The following ZNF469 variants were observed in gnomAD, a reference collection of about 807,000 sequenced individuals.
ZNF469 encodes the protein zinc finger protein 469.
A neutral mutation model predicts 1.0 loss-of-function variants in ZNF469; 1 was observed. That is an observed-to-expected ratio of 1.00 (90% CI 0.35 to 4.73). The LOEUF (loss-of-function observed/expected upper bound fraction) is 4.73, where lower values mean the gene tolerates loss of function less well. ZNF469 is among the 30% of genes most tolerant of loss of function. The pLI is 0.16. For synonymous variants in ZNF469, 2,703 were observed against 2,363.4 expected (o/e 1.14, Z -4.17); for missense variants, 6,100 against 5,356.3 (o/e 1.14, Z -4.33).
At chr16:88,368,510 T>C in the ZNF469 span, among the ~76,000 whole-genome samples, 1 of 152,172 alleles carries the variant, frequency 6.6e-6, no homozygotes, top group African/African-American at 2.4e-5. Context: ...GAGCAGCCTC[T>C]GGGGAGAGTG....
chr16:88,129,484 T>C, the ZNF469 span, among the ~76,000 whole-genome samples: 1 of 152,230 alleles, frequency 6.6e-6, no homozygotes, highest in Non-Finnish European at 1.5e-5. Flanking sequence ...TATGCAAATA[T>C]CTGTTTCTTA....
the ZNF469 span, among the ~76,000 whole-genome samples, chr16:88,148,181 C>T: frequency 7.2e-5 from 11 of 152,162 alleles, no homozygotes; most frequent in South Asian, 2.1e-4. Flanking sequence ...GTTCCTCCCA[C>T]GCATCAATGT....
the ZNF469 span, among the ~76,000 whole-genome samples, chr16:88,286,247 G>A: frequency 5.9e-5 from 9 of 152,248 alleles, no homozygotes; most frequent in African/African-American, 2.2e-4. Flanking sequence ...ACAGAGTCCT[G>A]AATGGATTCA....
the ZNF469 span, among the ~76,000 whole-genome samples, chr16:88,276,169 C>T: frequency 0.24 from 36,585 of 152,058 alleles, 4,978 homozygotes; most frequent in Middle Eastern, 0.37. Context: ...GGTGAGAAAA[C>T]GAGGCCCCTG....
At chr16:88,256,914 CTTT>C in the ZNF469 span, among the ~76,000 whole-genome samples, 7 of 6,498 alleles carry the variant, frequency 1.1e-3, 1 homozygote, top group Non-Finnish European at 3.2e-3. Context: ...TTCTTTCTTT[CTTT>C]CTTTCTTTCT....
At chr16:88,314,230 A>G in the ZNF469 span, among the ~76,000 whole-genome samples, 60 of 116,068 alleles carry the variant, frequency 5.2e-4, no homozygotes, top group African/African-American at 1.9e-3. Flanking sequence ...TCTGTAATTA[A>G]GATGATGCTG....
chr16:88,163,092 A>T, the ZNF469 span, among the ~76,000 whole-genome samples: 1 of 148,822 alleles, frequency 6.7e-6, no homozygotes, highest in Non-Finnish European at 1.5e-5. Flanking sequence ...TGGATGCATG[A>T]CTGGGTGGGT....
At chr16:88,276,191 A>G in the ZNF469 span, among the ~76,000 whole-genome samples, 1 of 152,186 alleles carries the variant, frequency 6.6e-6, no homozygotes, top group African/African-American at 2.4e-5. Context: ...ACAGGAGTCA[A>G]GGCCACAGAA....
At chr16:88,313,969 G>A in the ZNF469 span, among the ~76,000 whole-genome samples, 12 of 136,040 alleles carry the variant, frequency 8.8e-5, no homozygotes, top group East Asian at 2.3e-4. Context: ...ATGCTGGTGT[G>A]GAATATCTCT....
At position 88,435,652 on chromosome 16, in the gene ZNF469, C is replaced by A. The variant is rs143073976; in HGVS notation, c.8182C>A (p.Arg2728=). 1.4e-4 allele frequency: 214 copies of A among 1,550,470 alleles called. 1 individual carries two copies. In the East Asian group the frequency reaches 5.1e-3, roughly 37 times the overall value. ...ETGAQKPPGD[R]MLCPGRMDGA... is the part of the protein sequence containing the mutation. ...TGGGGCCCAGAAGCCACCTGGAGAT[C>A]GGATGCTGTGTCCAGGGAGGATGGA... Residue 2728 remains arginine (R), a synonymous_variant, in exon 3 of 3, where the codon CGG becomes AGG. Transcript: ENST00000565624.
chr16:88,263,523 G>A, the ZNF469 span, among the ~76,000 whole-genome samples: 1 of 152,208 alleles, frequency 6.6e-6, no homozygotes, highest in African/African-American at 2.4e-5. Context: ...AGGCGTGTGG[G>A]CCATGGTGGG....
the ZNF469 span, among the ~76,000 whole-genome samples, chr16:88,324,062 C>T: frequency 1.1e-4 from 16 of 152,348 alleles, no homozygotes; most frequent in East Asian, 7.7e-4. Flanking sequence ...TCAGCTGGAG[C>T]AGCTGGGCTG....
chr16:88,201,018 C>A, the ZNF469 span, among the ~76,000 whole-genome samples: 1 of 152,208 alleles, frequency 6.6e-6, no homozygotes, highest in Non-Finnish European at 1.5e-5. This position sits in a 1 kb window ranked among gnomAD's most constrained non-coding sequence, Gnocchi z 5.0. Context: ...TTCTTTGGGA[C>A]CACGTCATCA....
chr16:88,128,132 T>C, the ZNF469 span, among the ~76,000 whole-genome samples: 116 of 152,240 alleles, frequency 7.6e-4, no homozygotes, highest in Middle Eastern at 3.4e-3. Context: ...ATGGCAGCTG[T>C]TGGGTGACCC....
chr16:88,118,459 G>A, the ZNF469 span, among the ~76,000 whole-genome samples: 1 of 152,188 alleles, frequency 6.6e-6, no homozygotes, highest in Non-Finnish European at 1.5e-5. Flanking sequence ...CCTGCCCGCC[G>A]TGGGCCCAGA....
chr16:88,231,165 TG>T, the ZNF469 span, among the ~76,000 whole-genome samples: 1 of 152,114 alleles, frequency 6.6e-6, no homozygotes, highest in East Asian at 1.9e-4. The surrounding 1 kb of genome is among the most constrained non-coding windows in gnomAD (Gnocchi z 4.5). Flanking sequence ...TGGCATTGCC[TG>T]GGGGACTTCC....
At chr16:88,231,207 C>G in the ZNF469 span, among the ~76,000 whole-genome samples, 1 of 152,102 alleles carries the variant, frequency 6.6e-6, no homozygotes, top group Non-Finnish European at 1.5e-5. This position sits in a 1 kb window ranked among gnomAD's most constrained non-coding sequence, Gnocchi z 4.5. Flanking sequence ...CACTGTTGCC[C>G]AAACGGGAGG....
chr16:88,231,645 C>A, the ZNF469 span, among the ~76,000 whole-genome samples: 1 of 152,152 alleles, frequency 6.6e-6, no homozygotes, highest in Non-Finnish European at 1.5e-5. This position sits in a 1 kb window ranked among gnomAD's most constrained non-coding sequence, Gnocchi z 4.5. Flanking sequence ...AGGCCAGCAG[C>A]GCAGCCTCTT....
the ZNF469 span, among the ~76,000 whole-genome samples, chr16:88,331,219 CCACCACCACCAT>C: frequency 6.9e-6 from 1 of 145,842 alleles, no homozygotes; most frequent in Non-Finnish European, 1.5e-5. Context: ...ACAACCGTCA[CCACCACCACCAT>C]CACCACCATC....
Sources: gnomAD v4.1 joint callset for allele counts (sites outside exome capture counted in the v4.1 genomes callset) on GRCh38, gnomAD v4.1.1 for gene constraint, Gnocchi (gnomAD v3.1) non-coding constraint, MANE v1.5 for transcripts, NCBI Gene and HGNC (gene_info 2026-07-23, HGNC 2026-07-21) for gene names.